ARPC4: variants seen among roughly 807,000 people sequenced by gnomAD.
The protein encoded by ARPC4 is actin related protein 2/3 complex subunit 4.
A neutral mutation model predicts 22.8 loss-of-function variants in ARPC4; 3 were observed. That is an observed-to-expected ratio of 0.13 (90% CI 0.06 to 0.34). The LOEUF is 0.34. ARPC4 is among the 10% of genes least tolerant of loss of function. The pLI, the probability that ARPC4 is intolerant of heterozygous loss-of-function variation, is 1.00. For missense variants in ARPC4, 98 were observed against 211.0 expected, an observed-to-expected ratio of 0.46 and a Z score of 3.32; for synonymous variants, 80 against 72.5, an observed-to-expected ratio of 1.10 and a Z score of -0.52.
chr3:9,804,160 A>G, intron 5 of ARPC4, 147 bp downstream of exon 5: 3 of 850,942 alleles, frequency 3.5e-6, no homozygotes, highest in South Asian at 4.2e-5. Flanking sequence ...CAGGTCAGTC[A>G]GGTGCTTTGG....
At chr3:9,795,081 C>G (rs2078853853) in intron 1 of ARPC4, among the ~76,000 whole-genome samples, 1 of 152,148 alleles carries the variant, frequency 6.6e-6, no homozygotes, top group Admixed American at 6.5e-5. Context: ...TCTCGGCTCA[C>G]TGCAACCTCA....
intron 3 of ARPC4, among the ~76,000 whole-genome samples, chr3:9,801,380 G>T (rs1169356069): frequency 3.3e-5 from 5 of 152,086 alleles, no homozygotes; most frequent in African/African-American, 1.2e-4. Context: ...AGTGAAATGA[G>T]AATGGAAAGG....
intron 1 of ARPC4, among the ~76,000 whole-genome samples, chr3:9,794,608 C>T (rs1035913546): frequency 2.0e-5 from 3 of 152,036 alleles, no homozygotes; most frequent in South Asian, 2.1e-4. Flanking sequence ...AGTTCGAGGC[C>T]GTAGTACACT....
chr3:9,801,815 G>T, intron 4 of ARPC4, 59 bp downstream of exon 4: 6 of 1,492,884 alleles, frequency 4.0e-6, no homozygotes, highest in Non-Finnish European at 5.4e-6. Context: ...GAATGGCCTG[G>T]GATTGTTTCT....
chr3:9,793,020 G>A (rs2078781397), upstream of ARPC4: 10 of 1,532,796 alleles, frequency 6.5e-6, no homozygotes, highest in East Asian at 2.5e-4. Context: ...GTACCGTCCG[G>A]AAGTCCGGGC....
intron 3 of ARPC4, among the ~76,000 whole-genome samples, chr3:9,801,167 T>G (rs1184086274): frequency 1.7e-5 from 2 of 118,734 alleles, no homozygotes; most frequent in East Asian, 2.8e-4. Flanking sequence ...GTCAAAATCG[T>G]ACCACTGCAC....
chr3:9,801,791 A>G (rs1232734747), intron 4 of ARPC4, 35 bp downstream of exon 4: 7 of 1,558,986 alleles, frequency 4.5e-6, no homozygotes, highest in Non-Finnish European at 6.1e-6. Flanking sequence ...TGCGATACCC[A>G]GGACCCTGTT....
chr3:9,796,904 G>A (rs188655029), intron 1 of ARPC4, among the ~76,000 whole-genome samples: 26 of 141,196 alleles, frequency 1.8e-4, no homozygotes, highest in African/African-American at 4.8e-4. Flanking sequence ...TCGTGCCACC[G>A]CGCTCCAGCC....
At chr3:9,803,673 C>T (rs1001840180) in intron 4 of ARPC4, 170 bp from the exon 5 acceptor site, 3 of 810,124 alleles carry the variant, frequency 3.7e-6, no homozygotes, top group Non-Finnish European at 4.3e-6. Context: ...ACCTAGACAC[C>T]CTCCCCCAGA....
chr3:9,801,643 C>T lies in ARPC4; in HGVS notation c.235-18C>T, dbSNP rs1454846166. On this transcript the variant is annotated intron_variant, in intron 3 of 5. Coordinates refer to ENST00000397261, the MANE Select transcript of ARPC4 (RefSeq NM_005718.5). ...GGGTGTCAGCTTTAGAGAAACATTT[C>T]TCTCTTGCACTCCCCAGGCTGATGA... 1 of 1,588,998 alleles carries T rather than the reference C, an allele frequency of 6.3e-7. No homozygotes were observed. Among genetic ancestry groups the T allele is most frequent in the Non-Finnish European group, 8.6e-7 (1 of 1,164,092 alleles).
At chr3:9,800,059 C>A in intron 2 of ARPC4, 126 bp from the exon 3 acceptor site, 2 of 920,200 alleles carry the variant, frequency 2.2e-6, no homozygotes, top group Non-Finnish European at 3.4e-6. Context: ...TCTTGGAGCA[C>A]TCCTGCTTGT....
intron 4 of ARPC4, 41 bp downstream of exon 4, chr3:9,801,797 C>A: frequency 1.3e-6 from 2 of 1,538,654 alleles, no homozygotes; most frequent in South Asian, 1.2e-5. Flanking sequence ...ACCCAGGACC[C>A]TGTTACAGAA....
Position 9,802,625 on chromosome 3 carries a change from T to G in ARPC4, c.330+869T>G, listed in dbSNP as rs369833065. 7.5e-3 allele frequency among the ~76,000 whole-genome samples: 1,130 copies of G among 151,080 alleles called. 13 individuals are homozygous for G. Among genetic ancestry groups the G allele is most frequent in the African/African-American group, 0.026 (1,076 of 41,144 alleles). The stretch of plus-strand genomic sequence containing the variant: ...CTCCTGACCTCGTGATCTGCCTGCC[T>G]CGGCCTCCCAAAGTGCTGGGATTAC... On this transcript the variant is annotated intron_variant, in intron 4 of 5. Coordinates refer to ENST00000397261, the MANE Select transcript of ARPC4 (RefSeq NM_005718.5).
Position 9,806,516 on chromosome 3 carries a change from CTTTTT to C in ARPC4, c.*318_*322del, listed in dbSNP as rs55966635. The C allele has an allele frequency of 2.7e-3, 629 of 231,576 alleles. No homozygotes were observed. The highest frequency in any genetic ancestry group is 4.9e-3 in the Middle Eastern group (3 of 616). The allele number at this position is 231,576 out of a possible 1,614,324, so 14.3% of individuals were successfully genotyped here. On this transcript the variant is annotated 3_prime_UTR_variant, in exon 6 of 6. Coordinates refer to ENST00000397261, the MANE Select transcript of ARPC4 (RefSeq NM_005718.5). ...TTGTAGGATACTGTAACCTTTTTGTCTTTTTTTTTTTTTTTTTTTTTAAACCTCCA... is the reference window on the plus strand; with the variant it reads ...TTGTAGGATACTGTAACCTTTTTGTCTTTTTTTTTTTTTTTTAAACCTCCA...
chr3:9,803,690 G>A (rs1409861992), intron 4 of ARPC4, 153 bp from the exon 5 acceptor site: 9 of 878,196 alleles, frequency 1.0e-5, no homozygotes, highest in East Asian at 9.7e-5. Flanking sequence ...CAGAGCAGCT[G>A]GGCTGCTGAC....
intron 1 of ARPC4, among the ~76,000 whole-genome samples, chr3:9,793,520 C>A (rs1345381594): frequency 1.3e-5 from 2 of 152,168 alleles, no homozygotes; most frequent in Non-Finnish European, 2.9e-5. Context: ...CGCCCTTTGT[C>A]CTCTTCTGCC....
chr3:9,800,463 C>G (rs1245011259), intron 3 of ARPC4, among the ~76,000 whole-genome samples, 167 bp downstream of exon 3: 8 of 152,098 alleles, frequency 5.3e-5, no homozygotes, highest in African/African-American at 1.9e-4. Context: ...TCACTCTTGT[C>G]GCCCAGGCTG....
At position 9,797,657 on chromosome 3, in the gene ARPC4, A is replaced by G; in HGVS notation, c.4-2A>G. 6.2e-7 allele frequency: 1 copy of G among 1,613,180 alleles called. No homozygotes were observed. The highest frequency in any genetic ancestry group is 1.1e-5 in the South Asian group (1 of 91,010). On this transcript the variant is annotated splice_acceptor_variant, in intron 1 of 5. Transcript: ENST00000397261. LOFTEE classifies it high-confidence loss of function. ...CCCTTTCCTCTGTGTTATTTCCTAT[A>G]GACTGCCACTCTCCGCCCCTACCTG...
chr3:9,801,571 G>A, intron 3 of ARPC4, 90 bp from the exon 4 acceptor site: 1 of 1,348,178 alleles, frequency 7.4e-7, no homozygotes, highest in Non-Finnish European at 1.0e-6. Context: ...TGGGAGCCTT[G>A]AAAAAACTGG....
Sources: gnomAD v4.1 joint callset for allele counts (sites outside exome capture counted in the v4.1 genomes callset) on GRCh38, gnomAD v4.1.1 for gene constraint, MANE v1.5 for transcripts, NCBI Gene and HGNC (gene_info 2026-07-23, HGNC 2026-07-21) for gene names.